The following GRIA1 variants were observed in gnomAD, a reference collection of about 807,000 sequenced individuals.
The protein encoded by GRIA1 is glutamate receptor 1.
GRIA1 carries 31 observed loss-of-function variants against 99.2 expected under a neutral mutation model. That is an observed-to-expected ratio of 0.31 (90% CI 0.23 to 0.42). GRIA1 has a LOEUF of 0.42. Ranked by LOEUF, GRIA1 falls within the 10% of genes least tolerant of loss-of-function variation. The probability of loss-of-function intolerance (pLI) is 1.00; values close to 1 mark genes in which losing one functional copy is unlikely to be tolerated. For synonymous variants in GRIA1, 438 were observed against 432.4 expected, an observed-to-expected ratio of 1.01 and a Z score of -0.16; for missense variants, 782 against 1,157.5, an observed-to-expected ratio of 0.68 and a Z score of 4.71.
At chr5:153,652,348 G>A (rs1354153240) in intron 4 of GRIA1, among the ~76,000 whole-genome samples, 1 of 152,132 alleles carries the variant, frequency 6.6e-6, no homozygotes, top group African/African-American at 2.4e-5. Flanking sequence ...TTTTTAGTGT[G>A]TATGGTATAC....
chr5:153,572,878 T>C (rs1561653092), intron 2 of GRIA1, among the ~76,000 whole-genome samples: 1 of 152,206 alleles, frequency 6.6e-6, no homozygotes, highest in Admixed American at 6.5e-5. Flanking sequence ...TATTGTGGCG[T>C]TGGCATGGGA....
intron 13 of GRIA1, among the ~76,000 whole-genome samples, chr5:153,790,409 A>T (rs1581661593): frequency 6.6e-6 from 1 of 152,188 alleles, no homozygotes; most frequent in South Asian, 2.1e-4. Flanking sequence ...AGAACAAAAC[A>T]TTCCACATTG....
At position 153,794,649 on chromosome 5, in the gene GRIA1, C is replaced by T; in HGVS notation, c.2299C>T (p.Leu767=). 1 of 1,613,158 alleles carries T rather than the reference C, an allele frequency of 6.2e-7. No homozygotes were observed. The highest frequency in any genetic ancestry group is 2.2e-5 in the East Asian group (1 of 44,866). Residue 767 remains leucine (L), a synonymous_variant, in exon 14 of 16, where the codon CTG becomes TTG. Transcript: ENST00000285900. The part of the protein sequence containing the change: ...RNPVNLAVLK[L]NEQGLLDKLK... ...TCCAGTAAACCTGGCAGTGTTAAAA[C>T]TGAACGAGCAGGGGCTTTTGGACAA...
At chr5:153,670,477 G>A (rs1202493302) in intron 5 of GRIA1, among the ~76,000 whole-genome samples, 1 of 152,062 alleles carries the variant, frequency 6.6e-6, no homozygotes, top group African/African-American at 2.4e-5. Context: ...AGTATATAGA[G>A]CAATGGTCCC....
chr5:153,644,082 G>T (rs939562722), intron 2 of GRIA1, among the ~76,000 whole-genome samples: 1 of 152,184 alleles, frequency 6.6e-6, no homozygotes, highest in Non-Finnish European at 1.5e-5. Flanking sequence ...ATACTGTAGA[G>T]AGTATATTAT....
rs574123001 is a variant in GRIA1, at chr5:153,583,864, A to G, written c.221-63064A>G. Among the ~76,000 whole-genome samples the G allele has an allele frequency of 2.3e-3, 345 of 152,294 alleles. 1 individual carries two copies. Among genetic ancestry groups the G allele is most frequent in the African/African-American group, 8.0e-3 (332 of 41,566 alleles). ...AAGCTCAGAGTCACTCAGAGTCTCA[A>G]TGACCCAGACTGGGGCACCAAGTAT... On this transcript the variant is annotated intron_variant, in intron 2 of 15. Transcript: ENST00000285900.
At position 153,579,528 on chromosome 5, in the gene GRIA1, G is replaced by A. The variant is rs575401145; in HGVS notation, c.221-67400G>A. 2.1e-4 allele frequency among the ~76,000 whole-genome samples: 32 copies of A among 152,234 alleles called. 1 individual carries two copies. The South Asian group carries it at 4.4e-3, about 21-fold the overall frequency. On this transcript the variant is annotated intron_variant, in intron 2 of 15. Transcript: ENST00000285900. ...TGTCCTCATTAGTCATAGGCCCCCCGTTACTTATAAAGAAGTTGTGAAAAA... is the reference window on the plus strand; with the variant it reads ...TGTCCTCATTAGTCATAGGCCCCCCATTACTTATAAAGAAGTTGTGAAAAA...
At chr5:153,776,103 C>A (rs568970467) in intron 13 of GRIA1, among the ~76,000 whole-genome samples, 1 of 152,172 alleles carries the variant, frequency 6.6e-6, no homozygotes, top group Non-Finnish European at 1.5e-5. Context: ...CTGGAGATTA[C>A]CCTGGCGGTG....
intron 11 of GRIA1, among the ~76,000 whole-genome samples, chr5:153,734,741 T>A (rs556590245): frequency 6.6e-6 from 1 of 152,264 alleles, no homozygotes; most frequent in African/African-American, 2.4e-5. Flanking sequence ...CTGGAGGAAG[T>A]TGCATTTAAC....
At chr5:153,571,578 A>C (rs1356290699) in intron 2 of GRIA1, among the ~76,000 whole-genome samples, 1 of 152,194 alleles carries the variant, frequency 6.6e-6, no homozygotes, top group Non-Finnish European at 1.5e-5. Flanking sequence ...TGAGTCGTAC[A>C]AAATCAGGTG....
chr5:153,501,003 A>G (rs1198934507), intron 2 of GRIA1, among the ~76,000 whole-genome samples: 1 of 152,104 alleles, frequency 6.6e-6, no homozygotes, highest in Non-Finnish European at 1.5e-5. Flanking sequence ...CTGGCAGCAT[A>G]TGGAAAACAC....
Position 153,656,382 on chromosome 5 carries a change from T to TA in GRIA1, c.699+510_699+511insA, listed in dbSNP as rs1298183001. The stretch of plus-strand genomic sequence containing the variant: ...TTTCTATATGGCATAGATAAGTTTG[T>TA]TTATATATATATATATATATATATA... On this transcript the variant is annotated intron_variant, in intron 5 of 15. Transcript: ENST00000285900. 2.5e-3 allele frequency among the ~76,000 whole-genome samples: 174 copies of TA among 69,190 alleles called. 1 individual carries two copies. Among genetic ancestry groups the TA allele is most frequent in the South Asian group, 0.015 (33 of 2,190 alleles). 45.4% of individuals were successfully genotyped at this position (69,190 alleles called of 152,430 possible).
rs539499005 is a variant in GRIA1 at position 153,630,373 on chromosome 5, T to C, written c.221-16555T>C. ...TGTGAGGGAGATAAGCAAAGGAATA[T>C]ATTGAAGAGAAAAAGCCCAATGTTT... On this transcript the variant is annotated intron_variant, in intron 2 of 15. Transcript: ENST00000285900. Among the ~76,000 whole-genome samples the C allele has an allele frequency of 2.0e-5, 3 of 152,192 alleles. No homozygotes were observed. In the East Asian group the frequency reaches 5.8e-4, roughly 29 times the overall value.
intron 2 of GRIA1, among the ~76,000 whole-genome samples, chr5:153,523,899 A>G (rs757556848): frequency 3.9e-5 from 6 of 152,216 alleles, no homozygotes; most frequent in Non-Finnish European, 8.8e-5. Context: ...AAAAGCTGTA[A>G]GTTCCTTGAA....
In GRIA1 at chr5:153,523,198, G is replaced by C. The variant is rs553783354; in HGVS notation, c.220+29133G>C. ...CGTAATTCACTTCTAACCTACTCTG[G>C]AATTTTTTCTCCCACTTTTCTCTAA... On this transcript the variant is annotated intron_variant, in intron 2 of 15. Coordinates refer to ENST00000285900, the MANE Select transcript of GRIA1 (RefSeq NM_000827.4). Among the ~76,000 whole-genome samples, 195 of 152,190 alleles carry C rather than the reference G, an allele frequency of 1.3e-3. 1 individual carries two copies. Among genetic ancestry groups the C allele is most frequent in the Non-Finnish European group, 9.9e-4 (67 of 68,012 alleles).
At chr5:153,731,084 A>G (rs570387060) in intron 11 of GRIA1, among the ~76,000 whole-genome samples, 3 of 152,042 alleles carry the variant, frequency 2.0e-5, no homozygotes, top group African/African-American at 7.2e-5. Flanking sequence ...CCCTTTAACC[A>G]CCTTGATCAG....
At chr5:153,693,289 G>A (rs148292327) in intron 8 of GRIA1, among the ~76,000 whole-genome samples, 1 of 152,106 alleles carries the variant, frequency 6.6e-6, no homozygotes, top group Non-Finnish European at 1.5e-5. Flanking sequence ...CAGTTACTTG[G>A]CTCAATCAGA....
chr5:153,532,859 T>A (rs1441508264), intron 2 of GRIA1, among the ~76,000 whole-genome samples: 2 of 152,008 alleles, frequency 1.3e-5, no homozygotes, highest in Non-Finnish European at 2.9e-5. Flanking sequence ...TAATAAAAAA[T>A]AAATAAATAA....
intron 5 of GRIA1, among the ~76,000 whole-genome samples, chr5:153,657,753 C>A (rs550344382): frequency 1.5e-4 from 23 of 152,100 alleles, no homozygotes; most frequent in African/African-American, 7.2e-5. Flanking sequence ...GGCAATATTT[C>A]GGAGTGAGGA....
Sources: gnomAD v4.1 joint callset for allele counts (sites outside exome capture counted in the v4.1 genomes callset) on GRCh38, gnomAD v4.1.1 for gene constraint, MANE v1.5 for transcripts, NCBI Gene and HGNC (gene_info 2026-07-23, HGNC 2026-07-21) for gene names.